Variants in THSD7B observed in about 807,000 individuals in gnomAD.
THSD7B encodes thrombospondin type 1 domain containing 7B, also known as thrombospondin type-1 domain-containing protein 7B.
A neutral mutation model predicts 213.6 loss-of-function variants in THSD7B; 138 were observed. That is an observed-to-expected ratio of 0.65 (90% CI 0.56 to 0.74). The LOEUF (loss-of-function observed/expected upper bound fraction) is 0.74. Among genes scored for constraint, THSD7B ranks in the 30% least tolerant of loss-of-function variants. The probability of loss-of-function intolerance (pLI) is 0.00; values close to 1 mark genes in which losing one functional copy is unlikely to be tolerated. For synonymous variants in THSD7B, 742 were observed against 687.0 expected, an observed-to-expected ratio of 1.08 and a Z score of -1.25; for missense variants, 1,931 against 1,991.5, an observed-to-expected ratio of 0.97 and a Z score of 0.58.
At chr2:137,510,673 C>T (rs952781602) in intron 15 of THSD7B, among the ~76,000 whole-genome samples, 2 of 151,934 alleles carry the variant, frequency 1.3e-5, no homozygotes, top group South Asian at 4.2e-4. Context: ...TTTTTTTTAA[C>T]TGTTAGCAAT....
chr2:136,852,255 A>G (rs1028514816), intron 1 of THSD7B, among the ~76,000 whole-genome samples: 4 of 152,020 alleles, frequency 2.6e-5, no homozygotes, highest in African/African-American at 9.7e-5. Context: ...ATGTGGAAGA[A>G]ATAGAGACTT....
intron 1 of THSD7B, among the ~76,000 whole-genome samples, chr2:136,869,121 A>G (rs1297378417): frequency 1.3e-5 from 2 of 152,176 alleles, no homozygotes; most frequent in African/African-American, 4.8e-5. Flanking sequence ...CCACTTGAGT[A>G]GATTTAAAGT....
At chr2:137,564,307 T>C (rs1681187865) in intron 16 of THSD7B, among the ~76,000 whole-genome samples, 1 of 152,170 alleles carries the variant, frequency 6.6e-6, no homozygotes, top group South Asian at 2.1e-4. Context: ...TTAAAATCAG[T>C]ACATACTCAC....
rs1192528138 is a variant in THSD7B, at chr2:136,974,792, TTAAAC to T, written c.140-81624_140-81620del. 5.3e-5 allele frequency among the ~76,000 whole-genome samples: 8 copies of T among 152,334 alleles called. No homozygotes were observed. The East Asian group carries it at 1.5e-3, about 29-fold the overall frequency. On this transcript the variant is annotated intron_variant, in intron 2 of 27. Coordinates refer to ENST00000409968, the MANE Select transcript of THSD7B (RefSeq NM_001316349.2). ...ATCGCCATGCTTTCCTCCACAATGATTAAACTAATTTACATTCCCACCAACAGTGT... is the reference window on the plus strand; with the variant it reads ...ATCGCCATGCTTTCCTCCACAATGATTAATTTACATTCCCACCAACAGTGT...
intron 4 of THSD7B, among the ~76,000 whole-genome samples, chr2:137,103,659 T>C (rs950322124): frequency 8.6e-5 from 13 of 151,126 alleles, no homozygotes; most frequent in Non-Finnish European, 1.8e-4. Flanking sequence ...CAGACACACA[T>C]AGGCTGAAAA....
Position 136,950,801 on chromosome 2 carries a change from C to T in THSD7B, c.139+68484C>T, listed in dbSNP as rs371861854. 1.6e-3 allele frequency among the ~76,000 whole-genome samples: 240 copies of T among 152,244 alleles called. 2 individuals carry two copies. The highest frequency in any genetic ancestry group is 6.8e-3 in the Middle Eastern group (2 of 294). On this transcript the variant is annotated intron_variant, in intron 2 of 27. Transcript: ENST00000409968. Reference sequence around the variant, plus strand: ...GATCCCATCAATAATTTTTACATTTCGTTTCAGGGATACTGAAGAAAGACT... The same window carrying T: ...GATCCCATCAATAATTTTTACATTTTGTTTCAGGGATACTGAAGAAAGACT...
At chr2:137,599,984 C>T (rs1682045644) in intron 17 of THSD7B, among the ~76,000 whole-genome samples, 1 of 152,096 alleles carries the variant, frequency 6.6e-6, no homozygotes, top group Non-Finnish European at 1.5e-5. Context: ...TCCAATGCCC[C>T]TCAGCTTCCA....
chr2:137,283,543 G>A (rs1683088745), intron 12 of THSD7B, among the ~76,000 whole-genome samples: 1 of 152,128 alleles, frequency 6.6e-6, no homozygotes, highest in Non-Finnish European at 1.5e-5. Flanking sequence ...GTTTGTCATA[G>A]ATAGCTCTTA....
At chr2:137,155,441 G>C (rs1321527292) in intron 5 of THSD7B, among the ~76,000 whole-genome samples, 1 of 152,160 alleles carries the variant, frequency 6.6e-6, no homozygotes, top group Non-Finnish European at 1.5e-5. Context: ...TCAGGCAGTA[G>C]TTTCAGAGAA....
intron 12 of THSD7B, among the ~76,000 whole-genome samples, chr2:137,362,065 T>C (rs1375240684): frequency 6.6e-6 from 1 of 151,720 alleles, no homozygotes; most frequent in African/African-American, 2.4e-5. Context: ...CAGAAGAGAG[T>C]GGGGGCCAAT....
intron 21 of THSD7B, among the ~76,000 whole-genome samples, chr2:137,646,487 C>CAA (rs35479231): frequency 0.1 from 9,575 of 93,594 alleles, 558 homozygotes; most frequent in Non-Finnish European, 0.13. Context: ...ACTACAAATA[C>CAA]AAAAAAAAAA....
At position 137,491,197 on chromosome 2, in the gene THSD7B, C is replaced by T. The variant is rs188930668; in HGVS notation, c.3138+40174C>T. Among the ~76,000 whole-genome samples, 12 of 152,256 alleles carry T rather than the reference C, an allele frequency of 7.9e-5. No individual in the cohort carries two copies. In the East Asian group the frequency reaches 2.3e-3, roughly 29 times the overall value. On this transcript the variant is annotated intron_variant, in intron 15 of 27. Transcript: ENST00000409968. ...TTTTTCAGTTAACTCTTGAAGGAAACACGTCTCCCTAACATACACACAGCT... is the reference window on the plus strand; with the variant it reads ...TTTTTCAGTTAACTCTTGAAGGAAATACGTCTCCCTAACATACACACAGCT...
Position 137,441,338 on chromosome 2 carries a change from A to G in THSD7B, c.2960-9507A>G, listed in dbSNP as rs144273400. 4.3e-3 allele frequency among the ~76,000 whole-genome samples: 652 copies of G among 152,188 alleles called. 6 individuals carry two copies. Among genetic ancestry groups the G allele is most frequent in the African/African-American group, 0.015 (611 of 41,532 alleles). Reference sequence around the variant, plus strand: ...GCAGAACCTCCTCCTGTGGTCTCACAGCACCCTAGCCAAATTTATACTTCT... The same window carrying G: ...GCAGAACCTCCTCCTGTGGTCTCACGGCACCCTAGCCAAATTTATACTTCT... On this transcript the variant is annotated intron_variant, in intron 14 of 27. Transcript: ENST00000409968.
intron 5 of THSD7B, among the ~76,000 whole-genome samples, chr2:137,116,713 A>C (rs1688452542): frequency 6.6e-6 from 1 of 152,140 alleles, no homozygotes; most frequent in African/African-American, 2.4e-5. Context: ...TTTTGAATGG[A>C]AACTTACTGG....
At chr2:137,389,308 G>A (rs1028584769) in intron 12 of THSD7B, among the ~76,000 whole-genome samples, 8 of 145,518 alleles carry the variant, frequency 5.5e-5, no homozygotes, top group African/African-American at 1.5e-4. Flanking sequence ...CTAATGATAA[G>A]TGATATTAAC....
At chr2:137,351,125 A>G (rs1685004296) in intron 12 of THSD7B, among the ~76,000 whole-genome samples, 1 of 151,918 alleles carries the variant, frequency 6.6e-6, no homozygotes, top group Admixed American at 6.6e-5. Context: ...CTAGTCTCAT[A>G]GAGAGGGACA....
intron 2 of THSD7B, among the ~76,000 whole-genome samples, chr2:136,928,849 G>T (rs899044605): frequency 6.6e-6 from 1 of 151,892 alleles, no homozygotes; most frequent in African/African-American, 2.4e-5. Context: ...TATGCAAAAA[G>T]GAATAAAAGC....
intron 17 of THSD7B, among the ~76,000 whole-genome samples, chr2:137,598,242 C>CATCT (rs1322735684): frequency 1.3e-5 from 2 of 152,162 alleles, no homozygotes; most frequent in African/African-American, 4.8e-5. Flanking sequence ...GTACATTTTC[C>CATCT]AGAAGTTGCC....
At chr2:136,838,161 T>G (rs1682871455) in intron 1 of THSD7B, among the ~76,000 whole-genome samples, 1 of 152,230 alleles carries the variant, frequency 6.6e-6, no homozygotes, top group African/African-American at 2.4e-5. Flanking sequence ...ACTAATTTTT[T>G]GTGATTAAAT....
Sources: allele counts gnomAD v4.1 joint callset (sites outside exome capture counted in the v4.1 genomes callset), GRCh38; gene constraint gnomAD v4.1.1; transcripts MANE v1.5; gene names NCBI Gene and HGNC (gene_info 2026-07-23, HGNC 2026-07-21).